ANAPC1: variants seen among roughly 807,000 people sequenced by gnomAD.
ANAPC1 encodes anaphase-promoting complex subunit 1.
Under a neutral mutation model 208.0 loss-of-function variants are expected in ANAPC1, and 36 were observed. The observed-to-expected ratio is 0.17, with a 90% CI of 0.13 to 0.23. The LOEUF is 0.23. ANAPC1 is among the 10% of genes least tolerant of loss of function. The pLI is 1.00. For missense variants in ANAPC1, 942 were observed against 2,011.6 expected, an observed-to-expected ratio of 0.47 and a Z score of 10.17; for synonymous variants, 378 against 695.2, an observed-to-expected ratio of 0.54 and a Z score of 7.18.
chr2:111,777,094 A>C, intron 45 of ANAPC1, 37 bp from the exon 46 acceptor site: 1 of 474,074 alleles, frequency 2.1e-6, no homozygotes, highest in South Asian at 2.1e-5. Context: ...TATTTAATCA[A>C]AGAGTGCTCT....
At chr2:111,849,857 A>G (rs948803331) in intron 14 of ANAPC1, among the ~76,000 whole-genome samples, 3 of 151,408 alleles carry the variant, frequency 2.0e-5, no homozygotes, top group African/African-American at 4.9e-5. Flanking sequence ...AAAACCTCAT[A>G]ACTCCTTTCT....
chr2:111,882,635 G>A (rs1683365176), intron 1 of ANAPC1, among the ~76,000 whole-genome samples: 1 of 151,622 alleles, frequency 6.6e-6, no homozygotes, highest in Non-Finnish European at 1.5e-5. Context: ...TACTTGGGAG[G>A]CTAAGGCAAG....
chr2:111,829,477 A>G (rs950088132), intron 21 of ANAPC1, among the ~76,000 whole-genome samples: 2 of 152,112 alleles, frequency 1.3e-5, no homozygotes, highest in Non-Finnish European at 2.9e-5. Flanking sequence ...CAAGCCTGGG[A>G]AGACCCCACC....
At chr2:111,772,242 A>G in intron 47 of ANAPC1, 99 bp downstream of exon 47, 1 of 1,479,210 alleles carries the variant, frequency 6.8e-7, no homozygotes, top group Non-Finnish European at 9.3e-7. Context: ...AACATTAATG[A>G]AGAGGAAAGT....
intron 19 of ANAPC1, among the ~76,000 whole-genome samples, chr2:111,833,513 G>A (rs913189739): frequency 6.6e-6 from 1 of 151,828 alleles, no homozygotes; most frequent in Non-Finnish European, 1.5e-5. Context: ...GCTAAATTTT[G>A]TGGAAGTAAA....
intron 44 of ANAPC1, 37 bp from the exon 45 acceptor site, chr2:111,778,807 T>C (rs1409565259): frequency 7.5e-6 from 12 of 1,610,114 alleles, no homozygotes; most frequent in South Asian, 1.1e-5. Flanking sequence ...ACAAAGTATA[T>C]TCCAAAATCA....
chr2:111,772,330 T>A lies in ANAPC1; in HGVS notation c.5719+11A>T, dbSNP rs751236630. The A allele has an allele frequency of 1.6e-5, 26 of 1,613,560 alleles. No homozygotes were observed. In the South Asian group the frequency reaches 2.7e-4, roughly 17 times the overall value. On this transcript the variant is annotated intron_variant, in intron 47 of 47. Coordinates refer to ENST00000341068, the MANE Select transcript of ANAPC1 (RefSeq NM_022662.4). Reference sequence around the variant, plus strand: ...AGAGTTACTGAAGATAAGACTTAGATATGCAATTACCTTCTAGTCCTATAG... The same window carrying A: ...AGAGTTACTGAAGATAAGACTTAGAAATGCAATTACCTTCTAGTCCTATAG...
At chr2:111,870,673 T>C (rs1309402148) in intron 6 of ANAPC1, among the ~76,000 whole-genome samples, 1 of 152,238 alleles carries the variant, frequency 6.6e-6, no homozygotes, top group Non-Finnish European at 1.5e-5. Flanking sequence ...TGACATTTCT[T>C]TTGCTGTGCA....
intron 14 of ANAPC1, among the ~76,000 whole-genome samples, chr2:111,848,730 T>C (rs1485082681): frequency 1.3e-5 from 2 of 150,922 alleles, no homozygotes; most frequent in Admixed American, 6.6e-5. Flanking sequence ...TACGGTGAGA[T>C]TGCCCCACTG....
At chr2:111,773,066 A>C (rs1676830291) in intron 46 of ANAPC1, among the ~76,000 whole-genome samples, 1 of 152,266 alleles carries the variant, frequency 6.6e-6, no homozygotes. Flanking sequence ...TGGGTGATCA[A>C]GGCAATCCCA....
At chr2:111,861,418 A>G (rs560643087) in intron 10 of ANAPC1, among the ~76,000 whole-genome samples, 1 of 152,320 alleles carries the variant, frequency 6.6e-6, no homozygotes, top group South Asian at 2.1e-4. Flanking sequence ...TGCAAAAACC[A>G]GAGTGGAAGT....
chr2:111,834,544 T>C (rs201151488), intron 19 of ANAPC1, 60 bp downstream of exon 19: 1 of 536,152 alleles, frequency 1.9e-6, no homozygotes. Flanking sequence ...AAGGTTCCTA[T>C]ATGGAAAAGA....
chr2:111,878,725 T>C, intron 3 of ANAPC1, 85 bp downstream of exon 3: 2 of 1,574,422 alleles, frequency 1.3e-6, no homozygotes, highest in Non-Finnish European at 1.7e-6. Context: ...AGGCTGGTTT[T>C]ATCATTTCTG....
chr2:111,875,748 C>G (rs1200191175), intron 3 of ANAPC1, among the ~76,000 whole-genome samples: 1 of 152,216 alleles, frequency 6.6e-6, no homozygotes, highest in Non-Finnish European at 1.5e-5. Context: ...CTGTATACTG[C>G]CAGCATCCAC....
chr2:111,775,412 CA>C (rs1676953780), intron 46 of ANAPC1, among the ~76,000 whole-genome samples: 1 of 152,192 alleles, frequency 6.6e-6, no homozygotes, highest in African/African-American at 2.4e-5. Flanking sequence ...GATTTTTACA[CA>C]CAAATATGAA....
intron 16 of ANAPC1, among the ~76,000 whole-genome samples, chr2:111,844,367 G>A (rs1239652665): frequency 6.6e-5 from 10 of 151,176 alleles, no homozygotes; most frequent in Non-Finnish European, 1.2e-4. Flanking sequence ...TCAGGAGTTC[G>A]AAACCAGCCT....
intron 47 of ANAPC1, among the ~76,000 whole-genome samples, chr2:111,769,884 G>A (rs1222219445): frequency 4.0e-5 from 6 of 150,706 alleles, no homozygotes; most frequent in Admixed American, 2.0e-4. Flanking sequence ...GGGTTTCAAC[G>A]TGTTAGCCAG....
chr2:111,823,312 T>G (rs1017827701), intron 24 of ANAPC1, among the ~76,000 whole-genome samples: 3 of 152,008 alleles, frequency 2.0e-5, no homozygotes, highest in African/African-American at 7.2e-5. Context: ...CCACCGCGCC[T>G]GGCCCAAGCA....
At position 111,843,612 on chromosome 2, in the gene ANAPC1, A is replaced by G; in HGVS notation, c.1853-13T>C. ...AAACACGTTTGTACTATTAAAAGCA[A>G]AGATTAATTTTAGTATTCTTACTCT... is the stretch of plus-strand genomic sequence containing the variant. On this transcript the variant is annotated splice_polypyrimidine_tract_variant and intron_variant, in intron 16 of 47. Transcript: ENST00000341068. 1 of 1,596,480 alleles carries G rather than the reference A, an allele frequency of 6.3e-7. No homozygotes were observed. Among genetic ancestry groups the G allele is most frequent in the Non-Finnish European group, 8.5e-7 (1 of 1,170,816 alleles).
Sources: gnomAD v4.1 joint callset for allele counts (sites outside exome capture counted in the v4.1 genomes callset) on GRCh38, gnomAD v4.1.1 for gene constraint, MANE v1.5 for transcripts, NCBI Gene and HGNC (gene_info 2026-07-23, HGNC 2026-07-21) for gene names.